R3HDM1: variants seen among roughly 807,000 people sequenced by gnomAD.
R3HDM1 encodes R3H domain-containing protein 1.
A neutral mutation model predicts 141.1 loss-of-function variants in R3HDM1; 46 were observed. That is an observed-to-expected ratio of 0.33 (90% confidence interval 0.26 to 0.42). The LOEUF (loss-of-function observed/expected upper bound fraction) is 0.42. Ranked by LOEUF, R3HDM1 falls within the 10% of genes least tolerant of loss-of-function variation. The pLI, the probability that R3HDM1 is intolerant of heterozygous loss-of-function variation, is 1.00. For missense variants in R3HDM1, 1,184 were observed against 1,368.3 expected (o/e 0.87, Z 2.12); for synonymous variants, 435 against 472.9 (o/e 0.92, Z 1.04).
intron 21 of R3HDM1, among the ~76,000 whole-genome samples, chr2:135,706,711 C>T (rs2074974783): frequency 2.0e-5 from 3 of 152,204 alleles, no homozygotes. Context: ...CATAGATCAA[C>T]AGGATCCCAA....
At chr2:135,646,040 A>G (rs1195781502) in intron 16 of R3HDM1, among the ~76,000 whole-genome samples, 1 of 152,222 alleles carries the variant, frequency 6.6e-6, no homozygotes, top group Non-Finnish European at 1.5e-5. Context: ...TAGAATTTAC[A>G]CATTCATTTT....
At chr2:135,626,196 C>T (rs796109001) in intron 7 of R3HDM1, among the ~76,000 whole-genome samples, 25 of 141,724 alleles carry the variant, frequency 1.8e-4, no homozygotes, top group African/African-American at 6.7e-4. Context: ...TGCGTGCGTG[C>T]GTGCGTGCGT....
chr2:135,647,538 T>C (rs978262756), intron 16 of R3HDM1, among the ~76,000 whole-genome samples: 8 of 152,202 alleles, frequency 5.3e-5, no homozygotes, highest in Non-Finnish European at 1.2e-4. Context: ...TAGAAACAGA[T>C]GCTTTAATGA....
At chr2:135,676,801 A>G (rs1559409258) in intron 20 of R3HDM1, among the ~76,000 whole-genome samples, 1 of 152,180 alleles carries the variant, frequency 6.6e-6, no homozygotes, top group Non-Finnish European at 1.5e-5. Flanking sequence ...ACAAAGAGAG[A>G]CTCAGTCACA....
At chr2:135,573,786 C>G (rs571460727) in intron 1 of R3HDM1, among the ~76,000 whole-genome samples, 2 of 152,102 alleles carry the variant, frequency 1.3e-5, no homozygotes, top group African/African-American at 4.8e-5. Flanking sequence ...ACTGTTCCCC[C>G]CACAACAAAA....
Position 135,667,115 on chromosome 2 carries a change from A to C in R3HDM1, c.2152+5722A>C, listed in dbSNP as rs569440798. The C allele has an allele frequency of 7.6e-5, 70 of 922,208 alleles. No homozygotes were observed. In the South Asian group the frequency reaches 2.8e-3, roughly 38 times the overall value. 57.1% of individuals were successfully genotyped at this position (922,208 alleles called of 1,614,324 possible). A position where few individuals can be genotyped will look rare whatever the true frequency, so the allele number is the denominator to read the frequency against. On this transcript the variant is annotated intron_variant, in intron 19 of 26. Coordinates refer to ENST00000683871, the MANE Select transcript of R3HDM1 (RefSeq NM_001378107.1). ...AATGCTTTCCTTTAGAACAAATGCT[A>C]GTTCAGATCACCTATATAAAATAAA...
intron 3 of R3HDM1, among the ~76,000 whole-genome samples, chr2:135,610,384 G>C (rs1218652992): frequency 6.6e-6 from 1 of 152,172 alleles, no homozygotes; most frequent in Non-Finnish European, 1.5e-5. Context: ...TTAAAAACTA[G>C]GCCTTGTGTG....
intron 16 of R3HDM1, among the ~76,000 whole-genome samples, chr2:135,646,533 T>C (rs750787561): frequency 2.0e-5 from 3 of 151,876 alleles, no homozygotes. Context: ...GGTGAAAACA[T>C]GCAGAGTGAT....
intron 19 of R3HDM1, among the ~76,000 whole-genome samples, chr2:135,668,817 C>A (rs751896227): frequency 7.9e-5 from 12 of 152,180 alleles, no homozygotes; most frequent in Non-Finnish European, 1.5e-4. Context: ...CAGCCAGTAT[C>A]TATGAAAACT....
rs78766702 is a variant in R3HDM1, at chr2:135,686,207, G to A, written c.2459+5883G>A. Reference sequence around the variant, plus strand: ...AGGATGTGGAAAAAAGGGAACCCTTGTAACACTGTTGTTGGGAATGTAAAA... The same window carrying A: ...AGGATGTGGAAAAAAGGGAACCCTTATAACACTGTTGTTGGGAATGTAAAA... On this transcript the variant is annotated intron_variant, in intron 21 of 26. Coordinates refer to ENST00000683871, the MANE Select transcript of R3HDM1 (RefSeq NM_001378107.1). Among the ~76,000 whole-genome samples the A allele has an allele frequency of 7.2e-3, 1,100 of 152,290 alleles. 12 individuals carry two copies. The highest frequency in any genetic ancestry group is 0.025 in the African/African-American group (1,031 of 41,546).
chr2:135,637,170 G>A (rs906489168), intron 11 of R3HDM1, among the ~76,000 whole-genome samples: 1 of 152,144 alleles, frequency 6.6e-6, no homozygotes, highest in Non-Finnish European at 1.5e-5. Context: ...AACAGGGTAT[G>A]TGGTTTATAT....
chr2:135,606,780 A>G (rs980000300), intron 3 of R3HDM1: 1 of 151,544 alleles, frequency 6.6e-6, no homozygotes, highest in African/African-American at 2.4e-5. Flanking sequence ...AAAGAATTAA[A>G]AAAAAAAGTT....
At chr2:135,649,351 C>G (rs2064875575) in intron 16 of R3HDM1, 1 of 152,076 alleles carries the variant, frequency 6.6e-6, no homozygotes, top group Admixed American at 6.6e-5. Flanking sequence ...TTTTTTTACC[C>G]AGAGCTTTTT....
At chr2:135,644,465 A>C (rs1267547814) in intron 15 of R3HDM1, among the ~76,000 whole-genome samples, 1 of 152,162 alleles carries the variant, frequency 6.6e-6, no homozygotes, top group South Asian at 2.1e-4. Flanking sequence ...AGATCGCACC[A>C]CTGCACTCCA....
chr2:135,701,743 T>A (rs144865780), intron 21 of R3HDM1, among the ~76,000 whole-genome samples: 168 of 152,346 alleles, frequency 1.1e-3, no homozygotes, highest in East Asian at 1.9e-3. Context: ...ATGCTACTCA[T>A]AATGACATGC....
At position 135,632,222 on chromosome 2, in the gene R3HDM1, G is replaced by T. The variant is rs937252819; in HGVS notation, c.698+221G>T. On this transcript the variant is annotated intron_variant, in intron 9 of 26. Transcript: ENST00000683871. ...ATATGAATGAGGACTGGGGCATATG[G>T]TAAAAAAATAAAAATCCAGAGGACA... Among the ~76,000 whole-genome samples, 6 of 151,382 alleles carry T rather than the reference G, an allele frequency of 4.0e-5. 1 individual carries two copies. The South Asian group carries it at 8.4e-4, about 21-fold the overall frequency.
chr2:135,700,307 A>G (rs1289402068), intron 21 of R3HDM1, among the ~76,000 whole-genome samples: 2 of 152,200 alleles, frequency 1.3e-5, no homozygotes, highest in East Asian at 1.9e-4. Flanking sequence ...ACCGTTTCTC[A>G]GATAGTGGGA....
rs146572655 is a variant in R3HDM1, at chr2:135,580,148, G to A, written c.-249-22352G>A. ...ACCCTTTAGTCCTAGCTACTCGGGA[G>A]GTTTATGTGGGAGGATGGCTTGAGC... On this transcript the variant is annotated intron_variant, in intron 1 of 26. Coordinates refer to ENST00000683871, the MANE Select transcript of R3HDM1 (RefSeq NM_001378107.1). Among the ~76,000 whole-genome samples the A allele has an allele frequency of 6.0e-3, 908 of 152,298 alleles. 4 individuals carry two copies. Among genetic ancestry groups the A allele is most frequent in the South Asian group, 9.8e-3 (47 of 4,816 alleles).
chr2:135,661,240 G>A (rs372129166), intron 18 of R3HDM1, 30 bp from the exon 19 acceptor site: 5 of 1,611,982 alleles, frequency 3.1e-6, no homozygotes, highest in African/African-American at 1.3e-5. Flanking sequence ...AAGTAAAATT[G>A]ATTTTTTCCC....
Sources: allele counts gnomAD v4.1 joint callset (sites outside exome capture counted in the v4.1 genomes callset), GRCh38; gene constraint gnomAD v4.1.1; transcripts MANE v1.5; gene names NCBI Gene and HGNC (gene_info 2026-07-23, HGNC 2026-07-21).